Variants in ANK3 observed in about 807,000 individuals in gnomAD.
ANK3 encodes the protein ankyrin-3.
A neutral mutation model predicts 370.9 loss-of-function variants in ANK3; 57 were observed. That is an observed-to-expected ratio of 0.15 (90% CI 0.12 to 0.19). The LOEUF (loss-of-function observed/expected upper bound fraction) is 0.19. Among genes scored for constraint, ANK3 ranks in the 10% least tolerant of loss-of-function variants. The pLI, the probability that ANK3 is intolerant of heterozygous loss-of-function variation, is 1.00. For synonymous variants in ANK3, 1,929 were observed against 1,946.3 expected (o/e 0.99, Z 0.23); for missense variants, 4,439 against 5,302.1 (o/e 0.84, Z 5.06).
At chr10:60,460,921 A>G (rs2064868501) in intron 2 of ANK3, among the ~76,000 whole-genome samples, 1 of 152,198 alleles carries the variant, frequency 6.6e-6, no homozygotes, top group Non-Finnish European at 1.5e-5. Context: ...TTTGAGTGAG[A>G]AGTTTGAGTA....
intron 1 of ANK3, among the ~76,000 whole-genome samples, chr10:60,330,362 A>T (rs966003843): frequency 6.6e-6 from 1 of 152,246 alleles, no homozygotes; most frequent in African/African-American, 2.4e-5. Context: ...AGAATGGGAG[A>T]AAATGTTTGC....
At chr10:60,110,176 C>A (rs2092590952) in intron 26 of ANK3, among the ~76,000 whole-genome samples, 1 of 152,114 alleles carries the variant, frequency 6.6e-6, no homozygotes. Context: ...ATGCTAACAT[C>A]CTGCAAACAG....
Position 60,196,533 on chromosome 10 carries a change from A to G in ANK3, c.1782T>C (p.Ala594=). The change falls in exon 15 of 44, where the codon GCT becomes GCC. Residue 594 remains alanine, a synonymous_variant. Coordinates refer to ENST00000280772, the MANE Select transcript of ANK3 (RefSeq NM_020987.5). ...LLQKSASPDA[A]GKSGLTPLHV... is the part of the protein sequence containing the mutation. ...GTGGCTGGTGACCTCTTACCTTCCC[A>G]GCAGCATCTGGAGATGCACTTTTCT... The G allele has an allele frequency of 6.2e-7, 1 of 1,611,438 alleles. No homozygotes were observed. The highest frequency in any genetic ancestry group is 8.5e-7 in the Non-Finnish European group (1 of 1,178,308).
chr10:60,278,796 G>A lies in ANK3; in HGVS notation c.392C>T (p.Ala131Val), dbSNP rs377444314. The change falls in exon 4 of 44, where the codon GCC becomes GTC. Residue 131 changes from alanine to valine, a missense_variant. Transcript: ENST00000280772. Reference protein sequence around the residue: ...EVVKVLVTNGANVNAQSQNGF... With the variant: ...EVVKVLVTNGVNVNAQSQNGF... ...TACCTGAGATTGTGCATTGACATTG[G>A]CTCCATTTGTAACCAAGACTTTTAC... 1 of 1,613,706 alleles carries A rather than the reference G, an allele frequency of 6.2e-7. No homozygotes were observed. The highest frequency in any genetic ancestry group is 8.5e-7 in the Non-Finnish European group (1 of 1,179,740).
intron 25 of ANK3, among the ~76,000 whole-genome samples, chr10:60,118,871 A>G (rs950952160): frequency 6.6e-6 from 1 of 152,246 alleles, no homozygotes; most frequent in African/African-American, 2.4e-5. Context: ...TATGTCTCAC[A>G]AAAAGGTATC....
rs147016684 is a variant in ANK3, at chr10:60,028,169, G to A, written c.*1677C>T. ...TTCACTTTTCAAGAAGGCCTGAACA[G>A]ATGTGGGCAAAGCTTACTTGTCAAT... is the stretch of plus-strand genomic sequence containing the variant. On this transcript the variant is annotated 3_prime_UTR_variant, in exon 44 of 44. Transcript: ENST00000280772. The A allele has an allele frequency of 6.6e-6, 1 of 152,200 alleles. No homozygotes were observed. Among genetic ancestry groups the A allele is most frequent in the East Asian group, 1.9e-4 (1 of 5,182 alleles). 9.4% of individuals were successfully genotyped at this position (152,200 alleles called of 1,614,324 possible).
chr10:60,487,444 A>G (rs1013517878), intron 2 of ANK3, among the ~76,000 whole-genome samples: 31 of 152,220 alleles, frequency 2.0e-4, no homozygotes, highest in African/African-American at 7.5e-4. Flanking sequence ...AATGAGATAG[A>G]AAAGACATCA....
chr10:60,618,445 G>T (rs2078292993), intron 1 of ANK3, among the ~76,000 whole-genome samples: 1 of 152,100 alleles, frequency 6.6e-6, no homozygotes, highest in Non-Finnish European at 1.5e-5. Flanking sequence ...AGACACCAGA[G>T]ACACAGGTGG....
chr10:60,437,699 G>A (rs2064193084), intron 2 of ANK3, among the ~76,000 whole-genome samples: 1 of 152,190 alleles, frequency 6.6e-6, no homozygotes, highest in Non-Finnish European at 1.5e-5. Context: ...GCATAAGGGG[G>A]AGAGGGGAAC....
intron 2 of ANK3, among the ~76,000 whole-genome samples, chr10:60,538,750 A>G (rs773264871): frequency 2.7e-4 from 41 of 151,928 alleles, no homozygotes; most frequent in Non-Finnish European, 5.2e-4. Context: ...TCTCCCATAT[A>G]GAAAATAGTA....
At chr10:60,502,636 T>C (rs1171914233) in intron 2 of ANK3, among the ~76,000 whole-genome samples, 1 of 151,064 alleles carries the variant, frequency 6.6e-6, no homozygotes, top group African/African-American at 2.4e-5. Flanking sequence ...GTGATGATTG[T>C]GCCTGTGAAT....
chr10:60,237,688 T>C (rs1352947285), intron 7 of ANK3, among the ~76,000 whole-genome samples: 1 of 152,144 alleles, frequency 6.6e-6, no homozygotes, highest in African/African-American at 2.4e-5. Context: ...TACATAGGTA[T>C]ACATGTGCCA....
rs113796986 is a variant in ANK3, at chr10:60,581,689, C to T, written c.96+33497G>A. 7.9e-5 allele frequency among the ~76,000 whole-genome samples: 12 copies of T among 152,014 alleles called. No homozygotes were observed. In the East Asian group the frequency reaches 1.7e-3, roughly 22 times the overall value. ...TCCTGACATCGTGATCCATCTGCCTCGGCCTCCCAAAGTGCTGGGATTACA... is the reference window on the plus strand; with the variant it reads ...TCCTGACATCGTGATCCATCTGCCTTGGCCTCCCAAAGTGCTGGGATTACA... On this transcript the variant is annotated intron_variant, in intron 2 of 43. Coordinates refer to the ANK3 transcript ENST00000373827.
rs148799262 is a variant in ANK3, at chr10:60,457,932, G to A, written c.96+157254C>T. On this transcript the variant is annotated intron_variant, in intron 2 of 43. Transcript: ENST00000373827. ...CTGAATCAGGAACAGGCACAATCACGGGTCTGTTGTGCCATTTCACAAATG... is the reference window on the plus strand; with the variant it reads ...CTGAATCAGGAACAGGCACAATCACAGGTCTGTTGTGCCATTTCACAAATG... 2.0e-3 allele frequency among the ~76,000 whole-genome samples: 303 copies of A among 152,096 alleles called. 1 individual carries two copies. The highest frequency in any genetic ancestry group is 7.0e-3 in the African/African-American group (289 of 41,496).
intron 2 of ANK3, among the ~76,000 whole-genome samples, chr10:60,451,675 G>A (rs2064606256): frequency 6.6e-6 from 1 of 152,186 alleles, no homozygotes; most frequent in African/African-American, 2.4e-5. Context: ...CCAGACCAGG[G>A]CAGTCAGCTG....
chr10:60,063,361 T>C, intron 39 of ANK3, 107 bp from the exon 40 acceptor site: 3 of 1,053,534 alleles, frequency 2.8e-6, no homozygotes, highest in Non-Finnish European at 4.0e-6. Flanking sequence ...ACATTTTAGC[T>C]CCTTCTTACT....
At chr10:60,398,101 A>C (rs1354719016) in intron 2 of ANK3, among the ~76,000 whole-genome samples, 1 of 152,218 alleles carries the variant, frequency 6.6e-6, no homozygotes, top group Non-Finnish European at 1.5e-5. Flanking sequence ...GACTCTGTGA[A>C]AAAGCAACCA....
intron 1 of ANK3, among the ~76,000 whole-genome samples, chr10:60,687,904 G>A (rs1241230642): frequency 6.6e-6 from 1 of 152,094 alleles, no homozygotes; most frequent in Non-Finnish European, 1.5e-5. Context: ...TTCTGCAATA[G>A]GCAACAACAT....
chr10:60,281,917 A>T (rs2098168830), intron 1 of ANK3, among the ~76,000 whole-genome samples: 3 of 152,218 alleles, frequency 2.0e-5, no homozygotes, highest in Non-Finnish European at 4.4e-5. Context: ...CAAAAGATAA[A>T]AGTTCAACTT....
Sources: gnomAD v4.1 joint callset for allele counts (sites outside exome capture counted in the v4.1 genomes callset) on GRCh38, gnomAD v4.1.1 for gene constraint, MANE v1.5 for transcripts, NCBI Gene and HGNC (gene_info 2026-07-23, HGNC 2026-07-21) for gene names.